The following TEX2 variants were observed in gnomAD, a reference collection of about 807,000 sequenced individuals.
TEX2 encodes testis expressed 2, also known as testis-expressed protein 2.
In TEX2, 53 loss-of-function variants were observed where a neutral mutation model predicts 106.9. The ratio of observed to expected loss-of-function variants is 0.50; its 90% CI spans 0.40 to 0.62. The LOEUF (loss-of-function observed/expected upper bound fraction) is 0.62, where lower values mean the gene tolerates loss of function less well. Among genes scored for constraint, TEX2 ranks in the 20% least tolerant of loss-of-function variants. TEX2 has a pLI of 0.00. For synonymous variants in TEX2, 523 were observed against 534.8 expected (o/e 0.98, Z 0.30); for missense variants, 1,207 against 1,379.0 (o/e 0.88, Z 1.98).
At chr17:64,228,525 C>T (rs951704245) in intron 1 of TEX2, among the ~76,000 whole-genome samples, 15 of 152,286 alleles carry the variant, frequency 9.8e-5, no homozygotes, top group Admixed American at 3.3e-4. Context: ...CCCTCGCATG[C>T]GCAGTTCACA....
chr17:64,154,870 C>T lies in TEX2; in HGVS notation c.2902G>A (p.Asp968Asn). ...TCAGCCCCTGGGAGGAGCTGTTTGT[C>T]TCCCCCGCTGGGCTCTGGGGCATCG... ...EDDAPEPSGG[D>N]KQLLPGAEGY... The change falls in exon 9 of 12, where the codon GAC becomes AAC. Residue 968 changes from aspartate (D) to asparagine (N), a missense_variant. Physicochemically the swap from Asp to Asn is conservative, Grantham distance 23. Around this residue, in one of 3 missense-constraint regions of TEX2, gnomAD observed 1,067 missense variants for 1,193.6 expected, o/e 0.89. Transcript: ENST00000584379. 6.2e-7 allele frequency: 1 copy of T among 1,608,200 alleles called. No individual in the cohort carries two copies. Among genetic ancestry groups the T allele is most frequent in the South Asian group, 1.1e-5 (1 of 90,222 alleles).
intron 6 of TEX2, among the ~76,000 whole-genome samples, chr17:64,171,691 C>T (rs1056837819): frequency 1.3e-5 from 2 of 151,972 alleles, no homozygotes; most frequent in African/African-American, 2.4e-5. Flanking sequence ...GAAACTGCTA[C>T]AACAAGGTCA....
At chr17:64,227,436 A>T (rs2033538136) in intron 1 of TEX2, among the ~76,000 whole-genome samples, 3 of 152,196 alleles carry the variant, frequency 2.0e-5, no homozygotes, top group Non-Finnish European at 4.4e-5. Flanking sequence ...GTTTAACAGT[A>T]ATTGTTATTT....
intron 2 of TEX2, among the ~76,000 whole-genome samples, chr17:64,207,608 C>A (rs1555630911): frequency 6.6e-6 from 1 of 152,158 alleles, no homozygotes; most frequent in East Asian, 1.9e-4. Context: ...AGTTCACAGG[C>A]CTGTTTTATA....
At chr17:64,255,203 C>T (rs2034162818) in intron 1 of TEX2, among the ~76,000 whole-genome samples, 2 of 152,082 alleles carry the variant, frequency 1.3e-5, no homozygotes, top group African/African-American at 2.4e-5. Context: ...CTGCCCAGTA[C>T]AGTTGCTACT....
chr17:64,175,854 A>G (rs2031596477), intron 6 of TEX2, among the ~76,000 whole-genome samples: 1 of 152,132 alleles, frequency 6.6e-6, no homozygotes, highest in Non-Finnish European at 1.5e-5. Flanking sequence ...TGCTCAGGGA[A>G]GGGCCCCTCT....
intron 6 of TEX2, among the ~76,000 whole-genome samples, chr17:64,174,638 T>C (rs903286): frequency 0.72 from 109,651 of 152,036 alleles, 39,659 homozygotes; most frequent in East Asian, 0.83. Context: ...CTTTACCCTC[T>C]GGAGTAAACC....
rs782162670 is a variant in TEX2, at chr17:64,212,729, C to A, written c.1489G>T (p.Gly497Ter). ...CCAAGGCCAATTCCCAGAAAGAGTC[C>A]ACTCACATAGTGGGGGAGGGGGAGG... ...LILPLPHYVS[G>*]LFLGIGLGFM... The change falls in exon 2 of 12, where the codon GGA (glycine) becomes TGA (stop). Residue 497 changes from glycine to a stop codon, truncating the protein, a stop_gained. Transcript: ENST00000584379. LOFTEE classifies it high-confidence loss of function. The A allele has an allele frequency of 4.3e-6, 7 of 1,614,172 alleles. No homozygotes were observed. The highest frequency in any genetic ancestry group is 5.1e-6 in the Non-Finnish European group (6 of 1,180,040).
chr17:64,152,140 A>G (rs886357962), intron 10 of TEX2, among the ~76,000 whole-genome samples: 1 of 152,168 alleles, frequency 6.6e-6, no homozygotes, highest in African/African-American at 2.4e-5. Flanking sequence ...ACAGAGCTAT[A>G]TTTTTGTTAT....
intron 1 of TEX2, among the ~76,000 whole-genome samples, chr17:64,236,675 T>C (rs1426794040): frequency 2.6e-5 from 4 of 152,232 alleles, no homozygotes; most frequent in African/African-American, 9.6e-5. Context: ...TAATCTCCTA[T>C]GGATACCGAG....
intron 1 of TEX2, among the ~76,000 whole-genome samples, chr17:64,219,370 G>A (rs540885034): frequency 1.3e-3 from 195 of 152,144 alleles, no homozygotes; most frequent in Non-Finnish European, 1.6e-3. Flanking sequence ...GCTGGACGTG[G>A]TGGCGCATGC....
At chr17:64,253,351 G>A (rs534223094) in intron 1 of TEX2, among the ~76,000 whole-genome samples, 36 of 147,014 alleles carry the variant, frequency 2.4e-4, no homozygotes, top group African/African-American at 8.8e-4. Context: ...TTTTTTTGTA[G>A]ACAGGGTCTC....
intron 1 of TEX2, among the ~76,000 whole-genome samples, chr17:64,257,669 C>T (rs1555637927): frequency 6.6e-6 from 1 of 152,172 alleles, no homozygotes; most frequent in African/African-American, 2.4e-5. Context: ...CAACTGTCAC[C>T]ATATTACAGT....
chr17:64,235,719 C>T (rs1360833595), intron 1 of TEX2, among the ~76,000 whole-genome samples: 1 of 152,162 alleles, frequency 6.6e-6, no homozygotes, highest in African/African-American at 2.4e-5. Flanking sequence ...TAGGTCATCC[C>T]TGAGTATGAC....
At chr17:64,228,929 TACACACACACACACAC>T (rs57741930) in intron 1 of TEX2, among the ~76,000 whole-genome samples, 19 of 146,746 alleles carry the variant, frequency 1.3e-4, no homozygotes, top group South Asian at 2.2e-4. Flanking sequence ...GACTGACAGG[TACACACACACACACAC>T]ACACACACAC....
intron 11 of TEX2, chr17:64,149,976 C>T (rs965161421): frequency 3.3e-5 from 5 of 150,948 alleles, no homozygotes; most frequent in Non-Finnish European, 7.4e-5. Flanking sequence ...GATGTTCTTT[C>T]CCCTCAGTAG....
intron 5 of TEX2, among the ~76,000 whole-genome samples, chr17:64,186,177 A>T (rs997465760): frequency 6.6e-6 from 1 of 152,240 alleles, no homozygotes; most frequent in Non-Finnish European, 1.5e-5. Flanking sequence ...TCTTAACGTC[A>T]GTGCACAATT....
intron 1 of TEX2, among the ~76,000 whole-genome samples, chr17:64,248,719 G>A (rs2034036079): frequency 6.6e-6 from 1 of 151,874 alleles, no homozygotes. Context: ...AGATGTCCCT[G>A]TGTACCCACA....
intron 2 of TEX2, among the ~76,000 whole-genome samples, chr17:64,198,159 A>T (rs889789216): frequency 2.0e-5 from 3 of 151,540 alleles, no homozygotes; most frequent in Non-Finnish European, 1.5e-5. Context: ...AAGTGCAGTT[A>T]AAAAAAATGC....
Sources: allele counts gnomAD v4.1 joint callset (sites outside exome capture counted in the v4.1 genomes callset), GRCh38; gene constraint gnomAD v4.1.1; regional missense constraint gnomAD v4.1.1; transcripts MANE v1.5; gene names NCBI Gene and HGNC (gene_info 2026-07-23, HGNC 2026-07-21).